TOLLIP: variants seen among roughly 807,000 people sequenced by gnomAD.
TOLLIP encodes toll-interacting protein.
In TOLLIP, 16 loss-of-function variants were observed where a neutral mutation model predicts 33.5. The ratio of observed to expected loss-of-function variants is 0.48; its 90% CI spans 0.32 to 0.72. TOLLIP has a LOEUF of 0.72. Ranked by LOEUF, TOLLIP falls within the 30% of genes least tolerant of loss-of-function variation. The pLI, the probability that TOLLIP is intolerant of heterozygous loss-of-function variation, is 0.03. For synonymous variants in TOLLIP, 176 were observed against 163.7 expected (o/e 1.07, Z -0.57); for missense variants, 325 against 396.6 (o/e 0.82, Z 1.53).
At chr11:1,286,728 C>A (rs529754243) in intron 4 of TOLLIP, among the ~76,000 whole-genome samples, 33 of 152,200 alleles carry the variant, frequency 2.2e-4, no homozygotes, top group African/African-American at 7.5e-4. Flanking sequence ...TAAGTCACTG[C>A]ACTGCTGTCT....
Position 1,286,097 on chromosome 11 carries a change from AAC to A in TOLLIP, c.520-7_520-6del. On this transcript the variant is annotated splice_polypyrimidine_tract_variant and splice_region_variant and intron_variant, in intron 4 of 5. Coordinates refer to ENST00000317204, the MANE Select transcript of TOLLIP (RefSeq NM_019009.4). Reference sequence around the variant, plus strand: ...CACCATGGCAGCTGGAAGCAGCTGAAACACAGCGGAGATGGTCCCGGGGTCAA... The same window carrying A: ...CACCATGGCAGCTGGAAGCAGCTGAAACAGCGGAGATGGTCCCGGGGTCAA... The A allele has an allele frequency of 1.3e-6, 2 of 1,589,060 alleles. No homozygotes were observed. Among genetic ancestry groups the A allele is most frequent in the Non-Finnish European group, 1.7e-6 (2 of 1,168,580 alleles).
intron 1 of TOLLIP, chr11:1,305,732 G>T (rs1297975281): frequency 6.6e-6 from 1 of 152,276 alleles, no homozygotes; most frequent in African/African-American, 2.4e-5. Context: ...GGAGGGGCCA[G>T]GCCGCCTCCA....
rs1162334465 is a variant in TOLLIP at position 1,275,665 on chromosome 11, C to T, written c.*1374G>A. On this transcript the variant is annotated 3_prime_UTR_variant, in exon 6 of 6. Transcript: ENST00000317204. Reference sequence around the variant, plus strand: ...GTTTACAAAAATAAATATTTATCAACAGTATATTTGACAAAAACCACCCCC... The same window carrying T: ...GTTTACAAAAATAAATATTTATCAATAGTATATTTGACAAAAACCACCCCC... 1 of 152,190 alleles carries T rather than the reference C, an allele frequency of 6.6e-6. No individual in the cohort carries two copies. The highest frequency in any genetic ancestry group is 2.1e-4 in the South Asian group (1 of 4,818). The allele number at this position is 152,190 out of a possible 1,614,324, so 9.4% of individuals were successfully genotyped here. A position where few individuals can be genotyped will look rare whatever the true frequency, so the allele number is the denominator to read the frequency against.
In TOLLIP at chr11:1,303,449, G is replaced by A. The variant is rs904429516; in HGVS notation, c.33+6017C>T. 1.3e-5 allele frequency among the ~76,000 whole-genome samples: 2 copies of A among 152,230 alleles called. No homozygotes were observed. The highest frequency in any genetic ancestry group is 2.9e-5 in the Non-Finnish European group (2 of 68,046). The stretch of plus-strand genomic sequence containing the variant: ...GAGGCTTCCATGGTGAGGTGCTGGG[G>A]CACCCCTGCTCCTGGGATGCTTACA... On this transcript the variant is annotated intron_variant, in intron 1 of 5. Transcript: ENST00000317204. The surrounding 1 kb of genome is among the most constrained non-coding windows in gnomAD (Gnocchi z 4.2).
At chr11:1,288,896 C>CGAGA in intron 3 of TOLLIP, 120 bp from the exon 4 acceptor site, 1 of 1,097,040 alleles carries the variant, frequency 9.1e-7, no homozygotes, top group Admixed American at 2.5e-5. Context: ...GGGCTCCCAC[C>CGAGA]TGCACCAACA....
In TOLLIP at chr11:1,277,032, A is replaced by G. The variant is rs746105178; in HGVS notation, c.*7T>C. ...AGCGGGGGCAAAACGGCATCGAGGCAGAGGCTCTATGGCTCCTCCCCCATC... is the reference window on the plus strand; with the variant it reads ...AGCGGGGGCAAAACGGCATCGAGGCGGAGGCTCTATGGCTCCTCCCCCATC... On this transcript the variant is annotated 3_prime_UTR_variant, in exon 6 of 6. Transcript: ENST00000317204. This position sits in a 1 kb window ranked among gnomAD's most constrained non-coding sequence, Gnocchi z 4.2. 7.4e-6 allele frequency: 12 copies of G among 1,612,312 alleles called. No individual in the cohort carries two copies. In the Admixed American group the frequency reaches 2.0e-4, roughly 27 times the overall value.
At position 1,290,341 on chromosome 11, in the gene TOLLIP, C is replaced by A; in HGVS notation, c.252G>T (p.Ala84=). The change falls in exon 3 of 6, where the codon GCG becomes GCT. Residue 84 remains alanine (A), a synonymous_variant. Coordinates refer to ENST00000317204, the MANE Select transcript of TOLLIP (RefSeq NM_019009.4). This position sits in a 1 kb window ranked among gnomAD's most constrained non-coding sequence, Gnocchi z 4.9. The part of the protein sequence containing the change: ...DPYCRLRLGY[A]VYETPTAHNG... ...TGTGTGCCGTGGGCGTCTCGTACAC[C>A]GCGTAGCCCAGGCGCAGTCGGCAGT... 6.2e-7 allele frequency: 1 copy of A among 1,613,572 alleles called. No homozygotes were observed.
rs942721314 is a variant in TOLLIP at position 1,278,240 on chromosome 11, C to T, written c.611-987G>A. On this transcript the variant is annotated intron_variant, in intron 5 of 5. Coordinates refer to ENST00000317204, the MANE Select transcript of TOLLIP (RefSeq NM_019009.4). This position sits in a 1 kb window ranked among gnomAD's most constrained non-coding sequence, Gnocchi z 4.7. ...CACAGGCAGCGTGCGCGGGGCTCGG[C>T]GACCAGCGAGGCACAGAGCTCCTCC... Among the ~76,000 whole-genome samples the T allele has an allele frequency of 1.1e-4, 17 of 151,880 alleles. No individual in the cohort carries two copies. The highest frequency in any genetic ancestry group is 1.5e-4 in the Non-Finnish European group (10 of 68,012).
intron 1 of TOLLIP, among the ~76,000 whole-genome samples, chr11:1,306,491 G>A (rs1864426760): frequency 6.6e-6 from 1 of 152,120 alleles, no homozygotes; most frequent in Non-Finnish European, 1.5e-5. Context: ...CTGGAAAGCT[G>A]AGCGAGCGCC....
intron 2 of TOLLIP, among the ~76,000 whole-genome samples, chr11:1,291,617 C>T (rs1424967390): frequency 1.3e-5 from 2 of 148,414 alleles, no homozygotes; most frequent in Non-Finnish European, 3.0e-5. Context: ...CTGAGGGCAC[C>T]GCCGCCCTGT....
intron 1 of TOLLIP, among the ~76,000 whole-genome samples, chr11:1,307,629 G>A (rs1259409854): frequency 1.3e-5 from 2 of 152,246 alleles, no homozygotes; most frequent in Non-Finnish European, 2.9e-5. Flanking sequence ...CTGCTCTCCA[G>A]GAGGACACAA....
rs772383397 is a variant in TOLLIP, at chr11:1,277,251, T to C, written c.613A>G (p.Met205Val). ...QGVGYVPITGMPAVCSPGMVP... is the reference protein window; with the variant it reads ...QGVGYVPITGVPAVCSPGMVP... ...ATGCCGGGGCTACAGACAGCGGGCA[T>C]CCCTGGAAGCAAAGATCAAGTTTGG... Residue 205 changes from methionine (M) to valine (V), a missense_variant and splice_region_variant, in exon 6 of 6, where the codon ATG (methionine) becomes GTG (valine). Coordinates refer to ENST00000317204, the MANE Select transcript of TOLLIP (RefSeq NM_019009.4). The surrounding 1 kb of genome is among the most constrained non-coding windows in gnomAD (Gnocchi z 4.2). The C allele has an allele frequency of 1.3e-5, 20 of 1,545,278 alleles. No individual in the cohort carries two copies. The East Asian group carries it at 1.6e-4, about 12-fold the overall frequency.
At chr11:1,302,257 C>T (rs1590229365) in intron 1 of TOLLIP, among the ~76,000 whole-genome samples, 1 of 152,258 alleles carries the variant, frequency 6.6e-6, no homozygotes, top group East Asian at 1.9e-4. Flanking sequence ...AGGGCTGAGA[C>T]ACAGGGCCGT....
At chr11:1,308,778 T>G (rs2133938898) in intron 1 of TOLLIP, among the ~76,000 whole-genome samples, 1 of 152,368 alleles carries the variant, frequency 6.6e-6, no homozygotes, top group South Asian at 2.1e-4. Context: ...GCCCTCACTC[T>G]GTGTAAATGA....
chr11:1,281,831 G>A (rs1443270232), intron 5 of TOLLIP, among the ~76,000 whole-genome samples: 4 of 152,248 alleles, frequency 2.6e-5, no homozygotes, highest in African/African-American at 4.8e-5. Flanking sequence ...GATGCACTTT[G>A]AGATTCCACT....
intron 1 of TOLLIP, among the ~76,000 whole-genome samples, 163 bp from the exon 2 acceptor site, chr11:1,295,957 C>G (rs1468068648): frequency 1.3e-5 from 2 of 152,092 alleles, no homozygotes; most frequent in African/African-American, 4.8e-5. Context: ...ACGGAGGGGT[C>G]AAGGGTGTCC....
In TOLLIP at chr11:1,278,076, T is replaced by A. The variant is rs900067670; in HGVS notation, c.611-823A>T. Among the ~76,000 whole-genome samples the A allele has an allele frequency of 6.6e-6, 1 of 152,134 alleles. No homozygotes were observed. The highest frequency in any genetic ancestry group is 1.5e-5 in the Non-Finnish European group (1 of 68,020). On this transcript the variant is annotated intron_variant, in intron 5 of 5. Transcript: ENST00000317204. This position sits in a 1 kb window ranked among gnomAD's most constrained non-coding sequence, Gnocchi z 4.7. ...AGGAGACGCACGGCGGTTCAGCCACTGCAGCACACACACCCCTGAAGGCAC... is the reference window on the plus strand; with the variant it reads ...AGGAGACGCACGGCGGTTCAGCCACAGCAGCACACACACCCCTGAAGGCAC...
At chr11:1,296,550 G>C (rs956704922) in intron 1 of TOLLIP, among the ~76,000 whole-genome samples, 4 of 149,694 alleles carry the variant, frequency 2.7e-5, no homozygotes, top group Admixed American at 1.3e-4. Context: ...TGGTGGAGTG[G>C]GGTGGAGGCC....
chr11:1,287,388 TGCTGCTGCCTCCCC>T lies in TOLLIP; in HGVS notation c.519+1222_519+1235del, dbSNP rs1564969315. On this transcript the variant is annotated intron_variant, in intron 4 of 5. Coordinates refer to ENST00000317204, the MANE Select transcript of TOLLIP (RefSeq NM_019009.4). ...AAGATGGCCCAGAAAAGCAGCTCCC[TGCTGCTGCCTCCCC>T]GCCGCAGCCTCCCCGCCGCACCCTC... Among the ~76,000 whole-genome samples, 15 of 101,770 alleles carry T rather than the reference TGCTGCTGCCTCCCC, an allele frequency of 1.5e-4. 1 individual carries two copies. Among genetic ancestry groups the T allele is most frequent in the East Asian group, 4.6e-4 (2 of 4,330 alleles). The allele number at this position is 101,770 out of a possible 152,430, so 66.8% of individuals were successfully genotyped here. A position where few individuals can be genotyped will look rare whatever the true frequency, so the allele number is the denominator to read the frequency against.
Sources: gnomAD v4.1 joint callset for allele counts (sites outside exome capture counted in the v4.1 genomes callset) on GRCh38, gnomAD v4.1.1 for gene constraint, Gnocchi (gnomAD v3.1) non-coding constraint, MANE v1.5 for transcripts, NCBI Gene and HGNC (gene_info 2026-07-23, HGNC 2026-07-21) for gene names.